Variants in ELAPOR1 observed in about 807,000 individuals in gnomAD.
The protein encoded by ELAPOR1 is endosome/lysosome-associated apoptosis and autophagy regulator 1.
A neutral mutation model predicts 119.7 loss-of-function variants in ELAPOR1; 77 were observed. The ratio of observed to expected loss-of-function variants is 0.64; its 90% CI spans 0.54 to 0.78. The LOEUF is 0.78. Ranked by LOEUF, ELAPOR1 falls within the 30% of genes least tolerant of loss-of-function variation. The pLI, the probability that ELAPOR1 is intolerant of heterozygous loss-of-function variation, is 0.00. For synonymous variants in ELAPOR1, 481 were observed against 487.2 expected, an observed-to-expected ratio of 0.99 and a Z score of 0.17; for missense variants, 1,115 against 1,270.4, an observed-to-expected ratio of 0.88 and a Z score of 1.86.
intron 1 of ELAPOR1, among the ~76,000 whole-genome samples, chr1:109,118,900 C>CTTTTTTT (rs777752743): frequency 0.16 from 20,058 of 127,286 alleles, 2,527 homozygotes; most frequent in East Asian, 0.38. Context: ...TTTGGTTCTT[C>CTTTTTTT]TTTTTTTTTT....
Position 109,203,068 on chromosome 1 carries a change from G to A in ELAPOR1, c.*56G>A, listed in dbSNP as rs1356929827. 6 of 1,260,586 alleles carry A rather than the reference G, an allele frequency of 4.8e-6. No individual in the cohort carries two copies. Among genetic ancestry groups the A allele is most frequent in the South Asian group, 3.8e-5 (3 of 79,126 alleles). The allele number at this position is 1,260,586 out of a possible 1,614,324, so 78.1% of individuals were successfully genotyped here. A position where few individuals can be genotyped will look rare whatever the true frequency, so the allele number is the denominator to read the frequency against. On this transcript the variant is annotated 3_prime_UTR_variant, in exon 22 of 22. Coordinates refer to ENST00000369939, the MANE Select transcript of ELAPOR1 (RefSeq NM_020775.5). ...CCTTGCATAGCACCTTTGCAAGCCT[G>A]CGGCGATTTGGGTGCCAGCATCCTG... is the stretch of plus-strand genomic sequence containing the variant.
chr1:109,134,577 G>A (rs1426556650), intron 1 of ELAPOR1, among the ~76,000 whole-genome samples: 3 of 152,134 alleles, frequency 2.0e-5, no homozygotes, highest in Non-Finnish European at 4.4e-5. Context: ...AGCTTTTATG[G>A]CAGTGCCCCG....
At position 109,144,613 on chromosome 1, in the gene ELAPOR1, A is replaced by G. The variant is rs560003087; in HGVS notation, c.154-17281A>G. Among the ~76,000 whole-genome samples the G allele has an allele frequency of 3.5e-4, 53 of 152,162 alleles. 1 individual carries two copies. The highest frequency in any genetic ancestry group is 7.8e-4 in the Admixed American group (12 of 15,292). On this transcript the variant is annotated intron_variant, in intron 1 of 21. Transcript: ENST00000369939. ...AAAAATTAGCCGGGTGTGGCGGCAT[A>G]TGCCAGTAATCCCAGCTACTCGGGA...
intron 1 of ELAPOR1, among the ~76,000 whole-genome samples, chr1:109,136,488 G>A (rs953670512): frequency 5.9e-5 from 9 of 152,118 alleles, no homozygotes; most frequent in Non-Finnish European, 1.2e-4. Context: ...AGAACTGTGC[G>A]ACAACAAATT....
At chr1:109,115,641 A>T (rs1395702504) in intron 1 of ELAPOR1, among the ~76,000 whole-genome samples, 2 of 152,178 alleles carry the variant, frequency 1.3e-5, no homozygotes, top group Non-Finnish European at 2.9e-5. Context: ...CCATATGGAG[A>T]TAAATTCTTA....
chr1:109,172,431 A>G (rs1400826156), intron 4 of ELAPOR1, 57 bp from the exon 5 acceptor site: 1 of 1,299,056 alleles, frequency 7.7e-7, no homozygotes, highest in Non-Finnish European at 1.1e-6. Flanking sequence ...AATGTGGGGA[A>G]AGGTATCCAT....
chr1:109,177,237 G>T (rs1652367989), intron 7 of ELAPOR1, among the ~76,000 whole-genome samples: 1 of 121,550 alleles, frequency 8.2e-6, no homozygotes, highest in African/African-American at 3.6e-5. Flanking sequence ...GCGGGGGGCT[G>T]ACCCCCCCAC....
chr1:109,141,483 G>A (rs577087321), intron 1 of ELAPOR1, among the ~76,000 whole-genome samples: 3 of 150,914 alleles, frequency 2.0e-5, no homozygotes, highest in South Asian at 2.1e-4. Context: ...GGATGATCTC[G>A]AATTCCTGAC....
At chr1:109,167,878 G>A (rs1238713487) in intron 3 of ELAPOR1, among the ~76,000 whole-genome samples, 2 of 152,006 alleles carry the variant, frequency 1.3e-5, no homozygotes, top group Admixed American at 6.6e-5. Context: ...CAAAGTACTG[G>A]GATTACGGAT....
rs1653665558 is a variant in ELAPOR1 at position 109,194,573 on chromosome 1, C to T, written c.2100C>T (p.Thr700=). The T allele has an allele frequency of 2.5e-6, 4 of 1,613,890 alleles. No individual in the cohort carries two copies. The highest frequency in any genetic ancestry group is 3.3e-4 in the Middle Eastern group (2 of 6,060). The change falls in exon 15 of 22, where the codon ACC becomes ACT. Residue 700 remains threonine (T), a synonymous_variant. Transcript: ENST00000369939. ...SKGLKYFHHF[T]LSLCGNQGRK... is the part of the protein sequence containing the mutation. The stretch of plus-strand genomic sequence containing the variant: ...GGCTGAAATACTTCCATCACTTTAC[C>T]CTCAGTCTCTGTGGAAACCAGGTAA...
At chr1:109,117,126 A>G (rs1320150302) in intron 1 of ELAPOR1, among the ~76,000 whole-genome samples, 1 of 152,206 alleles carries the variant, frequency 6.6e-6, no homozygotes, top group East Asian at 1.9e-4. Context: ...AAGCTGAGGC[A>G]TCCCTCTGGA....
chr1:109,165,444 G>A (rs113607134), intron 3 of ELAPOR1, among the ~76,000 whole-genome samples: 5 of 152,104 alleles, frequency 3.3e-5, no homozygotes, highest in Non-Finnish European at 7.4e-5. Flanking sequence ...AATTAGCCAG[G>A]CCTGGTGGTG....
intron 2 of ELAPOR1, 137 bp downstream of exon 2, chr1:109,162,151 A>C (rs1205125656): frequency 2.2e-6 from 2 of 894,846 alleles, no homozygotes; most frequent in Non-Finnish European, 1.7e-6. Context: ...ATTAGTCCCC[A>C]CATCCCAGAC....
chr1:109,182,624 T>C (rs182786926), intron 7 of ELAPOR1, among the ~76,000 whole-genome samples: 1 of 152,044 alleles, frequency 6.6e-6, no homozygotes, highest in Non-Finnish European at 1.5e-5. Context: ...TCCCAGCACT[T>C]TGGGAGGCCA....
intron 1 of ELAPOR1, among the ~76,000 whole-genome samples, chr1:109,155,502 A>G (rs1650825436): frequency 3.3e-5 from 5 of 152,292 alleles, no homozygotes; most frequent in Admixed American, 3.3e-4. Flanking sequence ...CTTAGAATGT[A>G]GAAGAACAGA....
At chr1:109,157,200 C>G (rs747997201) in intron 1 of ELAPOR1, among the ~76,000 whole-genome samples, 2 of 152,292 alleles carry the variant, frequency 1.3e-5, no homozygotes, top group Non-Finnish European at 1.5e-5. Flanking sequence ...ACAGGCTGCT[C>G]TCAAACACCG....
intron 1 of ELAPOR1, among the ~76,000 whole-genome samples, chr1:109,119,474 G>A (rs371007394): frequency 7.5e-5 from 11 of 147,412 alleles, no homozygotes; most frequent in African/African-American, 2.0e-4. Flanking sequence ...GTGAGCCACC[G>A]CACTCAGCCT....
At chr1:109,187,625 T>G (rs1004671347) in intron 8 of ELAPOR1, 8 of 1,002,236 alleles carry the variant, frequency 8.0e-6, no homozygotes, top group African/African-American at 1.7e-5. Context: ...TCTCCACTTC[T>G]GTACCCAATG....
At chr1:109,187,685 T>G in intron 8 of ELAPOR1, 1 of 948,974 alleles carries the variant, frequency 1.1e-6, no homozygotes, top group Non-Finnish European at 1.3e-6. Context: ...GGCACATAGA[T>G]GCATTAGGAT....
Sources: allele counts gnomAD v4.1 joint callset (sites outside exome capture counted in the v4.1 genomes callset), GRCh38; gene constraint gnomAD v4.1.1; transcripts MANE v1.5; gene names NCBI Gene and HGNC (gene_info 2026-07-23, HGNC 2026-07-21).